Variants in NXPE4 observed in about 807,000 individuals in gnomAD.
NXPE4 encodes NXPE family member 4.
NXPE4 carries 42 observed loss-of-function variants against 33.3 expected under a neutral mutation model. That is an observed-to-expected ratio of 1.26 (90% CI 0.98 to 1.63). The LOEUF is 1.63. Among genes scored for constraint, NXPE4 ranks in the 40% most tolerant of loss-of-function variants. The pLI is 0.00. For missense variants in NXPE4, 709 were observed against 647.6 expected (o/e 1.09, Z -1.03); for synonymous variants, 253 against 234.9 (o/e 1.08, Z -0.71).
the NXPE4 span, among the ~76,000 whole-genome samples, chr11:114,639,780 AATATAAT>A: frequency 7.9e-6 from 1 of 127,116 alleles, no homozygotes; most frequent in East Asian, 2.2e-4. Context: ...AATAATATAA[AATATAAT>A]ATATATTATA....
chr11:114,577,040 TAA>T (rs1949016749), intron 5 of NXPE4, among the ~76,000 whole-genome samples: 5 of 31,420 alleles, frequency 1.6e-4, no homozygotes, highest in African/African-American at 2.7e-4. Flanking sequence ...TATATATATA[TAA>T]AGTTATATAT....
At chr11:114,602,345 CAT>C in the NXPE4 span, among the ~76,000 whole-genome samples, 3 of 122,890 alleles carry the variant, frequency 2.4e-5, no homozygotes, top group East Asian at 2.3e-4. Flanking sequence ...TTATCTATAA[CAT>C]ATACTATATA....
the NXPE4 span, among the ~76,000 whole-genome samples, chr11:114,630,652 CA>C: frequency 2.0e-5 from 3 of 150,882 alleles, no homozygotes; most frequent in Non-Finnish European, 4.4e-5. Context: ...GCAATGGCAA[CA>C]AAAGCCAAAA....
chr11:114,656,285 C>G, the NXPE4 span, among the ~76,000 whole-genome samples: 2 of 151,756 alleles, frequency 1.3e-5, no homozygotes, highest in Admixed American at 6.7e-5. Context: ...AGGGAGGATA[C>G]AAACAAATGG....
Position 114,571,554 on chromosome 11 carries a change from G to T in NXPE4, c.1100-81C>A, listed in dbSNP as rs1948887531. The T allele has an allele frequency of 1.7e-5, 21 of 1,218,652 alleles. 1 individual carries two copies. In the South Asian group the frequency reaches 2.9e-4, roughly 17 times the overall value. 75.5% of individuals were successfully genotyped at this position (1,218,652 alleles called of 1,614,324 possible). A position where few individuals can be genotyped will look rare whatever the true frequency, so the allele number is the denominator to read the frequency against. On this transcript the variant is annotated intron_variant, in intron 5 of 5. Coordinates refer to ENST00000375478, the MANE Select transcript of NXPE4 (RefSeq NM_001077639.2). ...GTAGATATAAAGATGGAAGAGATTT[G>T]ATTGGTATAATTAAATAAGCTAATC... is the stretch of plus-strand genomic sequence containing the variant.
chr11:114,672,698 G>A, the NXPE4 span, among the ~76,000 whole-genome samples: 9 of 151,790 alleles, frequency 5.9e-5, no homozygotes, highest in African/African-American at 2.2e-4. Context: ...AAGCCATAAT[G>A]TCACCATGGA....
the NXPE4 span, among the ~76,000 whole-genome samples, chr11:114,615,664 C>T: frequency 3.3e-5 from 5 of 151,320 alleles, no homozygotes; most frequent in South Asian, 2.1e-4. Flanking sequence ...CACTGTTACC[C>T]GATGGATAAT....
the NXPE4 span, among the ~76,000 whole-genome samples, chr11:114,634,819 G>A: frequency 1.3e-5 from 2 of 151,806 alleles, no homozygotes; most frequent in African/African-American, 4.8e-5. Flanking sequence ...TTCCATTGAT[G>A]TATATCTCTG....
At chr11:114,576,788 A>G (rs540749789) in intron 5 of NXPE4, among the ~76,000 whole-genome samples, 2 of 151,946 alleles carry the variant, frequency 1.3e-5, no homozygotes, top group African/African-American at 2.4e-5. Flanking sequence ...GAGATTCCTT[A>G]AAGAACTAAA....
chr11:114,618,059 ATAATAAGTGTTGCCTCATGGG>A, the NXPE4 span, among the ~76,000 whole-genome samples: 1 of 151,996 alleles, frequency 6.6e-6, no homozygotes, highest in Non-Finnish European at 1.5e-5. Context: ...TACCCTGTGG[ATAATAAGTGTTGCCTCATGGG>A]TAACCACTGT....
chr11:114,586,920 G>A (rs891984995), intron 2 of NXPE4, among the ~76,000 whole-genome samples: 7 of 152,236 alleles, frequency 4.6e-5, no homozygotes, highest in Middle Eastern at 3.4e-3. Flanking sequence ...TGGGATTGCC[G>A]TTTTTGTGAT....
intron 2 of NXPE4, among the ~76,000 whole-genome samples, chr11:114,592,309 T>G (rs542698618): frequency 1.3e-5 from 2 of 152,196 alleles, no homozygotes; most frequent in Middle Eastern, 3.4e-3. Flanking sequence ...AGAACTGATT[T>G]TAAAAACTCA....
the NXPE4 span, among the ~76,000 whole-genome samples, chr11:114,637,063 T>A: frequency 2.0e-5 from 3 of 151,912 alleles, no homozygotes; most frequent in African/African-American, 7.2e-5. Flanking sequence ...GACAGTGGGG[T>A]GTTAAAGTCT....
chr11:114,674,291 A>G, the NXPE4 span, among the ~76,000 whole-genome samples: 1 of 151,812 alleles, frequency 6.6e-6, no homozygotes, highest in Non-Finnish European at 1.5e-5. Flanking sequence ...TTGAAAAATC[A>G]TTAAATAAAA....
At chr11:114,665,317 T>A in the NXPE4 span, among the ~76,000 whole-genome samples, 1 of 152,178 alleles carries the variant, frequency 6.6e-6, no homozygotes, top group East Asian at 1.9e-4. Context: ...AATTAGAATG[T>A]CGTGGTTATA....
chr11:114,652,210 C>T, the NXPE4 span, among the ~76,000 whole-genome samples: 1 of 152,234 alleles, frequency 6.6e-6, no homozygotes, highest in African/African-American at 2.4e-5. Context: ...GCTCTGAGAC[C>T]TCAGTTGAGT....
the NXPE4 span, among the ~76,000 whole-genome samples, chr11:114,629,781 C>G: frequency 1.3e-5 from 2 of 150,910 alleles, no homozygotes; most frequent in Non-Finnish European, 3.0e-5. Flanking sequence ...CCCATTGTCT[C>G]AGCCCAAAAT....
the NXPE4 span, among the ~76,000 whole-genome samples, chr11:114,610,416 C>T: frequency 6.7e-6 from 1 of 149,880 alleles, no homozygotes; most frequent in Non-Finnish European, 1.5e-5. Context: ...GGGAATAATA[C>T]CTATTGCCTC....
At chr11:114,664,383 A>G in the NXPE4 span, among the ~76,000 whole-genome samples, 1 of 152,202 alleles carries the variant, frequency 6.6e-6, no homozygotes, top group Non-Finnish European at 1.5e-5. Context: ...AGTTTTGGGT[A>G]GTGGAATTAT....
Sources: gnomAD v4.1 joint callset for allele counts (sites outside exome capture counted in the v4.1 genomes callset) on GRCh38, gnomAD v4.1.1 for gene constraint, MANE v1.5 for transcripts, NCBI Gene and HGNC (gene_info 2026-07-23, HGNC 2026-07-21) for gene names.